ADGRE5: variants seen among roughly 807,000 people sequenced by gnomAD.
ADGRE5 encodes adhesion G protein-coupled receptor E5, also known as CD97 molecule.
Under a neutral mutation model 100.3 loss-of-function variants are expected in ADGRE5, and 72 were observed. The ratio of observed to expected loss-of-function variants is 0.72; its 90% confidence interval spans 0.59 to 0.87. The LOEUF (loss-of-function observed/expected upper bound fraction) is 0.87, where lower values mean the gene tolerates loss of function less well. Among genes scored for constraint, ADGRE5 ranks in the 40% least tolerant of loss-of-function variants. ADGRE5 has a pLI of 0.00. For missense variants in ADGRE5, 959 were observed against 1,094.7 expected (o/e 0.88, Z 1.75); for synonymous variants, 439 against 447.8 (o/e 0.98, Z 0.25).
Position 14,392,626 on chromosome 19 carries a change from G to T in ADGRE5, c.346+1547G>T, listed in dbSNP as rs141561119. Among the ~76,000 whole-genome samples, 34 of 152,258 alleles carry T rather than the reference G, an allele frequency of 2.2e-4. No homozygotes were observed. The East Asian group carries it at 5.0e-3, about 22-fold the overall frequency. Reference sequence around the variant, plus strand: ...ACCTACAAAAGTATTTAACAGGCTGGGCACAGTGGCTCACACTTGTAATGC... The same window carrying T: ...ACCTACAAAAGTATTTAACAGGCTGTGCACAGTGGCTCACACTTGTAATGC... On this transcript the variant is annotated intron_variant, in intron 4 of 19. Transcript: ENST00000242786.
intron 4 of ADGRE5, 133 bp from the exon 5 acceptor site, chr19:14,396,209 T>G: frequency 6.4e-7 from 1 of 1,551,872 alleles, no homozygotes; most frequent in Non-Finnish European, 8.8e-7. Context: ...ATAGGATGCC[T>G]CTGTGTGGAT....
At chr19:14,390,767 CT>C (rs1415779697) in intron 3 of ADGRE5, among the ~76,000 whole-genome samples, 156 bp from the exon 4 acceptor site, 1 of 152,200 alleles carries the variant, frequency 6.6e-6, no homozygotes, top group African/African-American at 2.4e-5. Context: ...TCAGGAATGG[CT>C]TGCTCCAGCT....
intron 1 of ADGRE5, among the ~76,000 whole-genome samples, chr19:14,385,383 T>TTC (rs1042505286): frequency 1.3e-5 from 2 of 151,836 alleles, no homozygotes; most frequent in African/African-American, 4.8e-5. Context: ...TTCTGACTCT[T>TTC]TCTCTCTCTC....
chr19:14,397,138 C>T lies in ADGRE5; in HGVS notation c.540C>T (p.Asn180=), dbSNP rs753447533. 6.8e-6 allele frequency: 11 copies of T among 1,614,036 alleles called. No homozygotes were observed. Among genetic ancestry groups the T allele is most frequent in the Middle Eastern group, 1.6e-4 (1 of 6,082 alleles). The change falls in exon 6 of 20, where the codon AAC becomes AAT. Residue 180 remains asparagine, a synonymous_variant. Transcript: ENST00000242786. ...PCHSSTHCLN[N]VGSYQCRCRP... ...ACAGCTCCACCCACTGCCTCAACAA[C>T]GTGGGCAGCTATCAGTGCCGCTGCC...
intron 1 of ADGRE5, among the ~76,000 whole-genome samples, chr19:14,382,327 A>G (rs778958674): frequency 3.3e-5 from 5 of 152,164 alleles, no homozygotes; most frequent in Non-Finnish European, 5.9e-5. Context: ...GTGAGAGACA[A>G]GAGCCCACCT....
In ADGRE5 at chr19:14,405,810, G is replaced by A. The variant is rs1976202544; in HGVS notation, c.1692G>A (p.Leu564=). Residue 564 remains leucine, a synonymous_variant, in exon 14 of 20, where the codon CTG becomes CTA. Transcript: ENST00000242786. The stretch of plus-strand genomic sequence containing the variant: ...CGCTGTCACTCTTCTGCCTGCTGCT[G>A]TGCATCCTCACTTTCCTGCTGGTGC... ...GLALSLFCLL[L]CILTFLLVRP... is the part of the protein sequence containing the mutation. 1.9e-6 allele frequency: 3 copies of A among 1,613,908 alleles called. No individual in the cohort carries two copies. Among genetic ancestry groups the A allele is most frequent in the African/African-American group, 1.3e-5 (1 of 75,074 alleles).
chr19:14,388,110 C>A (rs1273173243), intron 1 of ADGRE5, among the ~76,000 whole-genome samples: 1 of 151,904 alleles, frequency 6.6e-6, no homozygotes, highest in Admixed American at 6.6e-5. Context: ...CACCTGTGGT[C>A]CCAGCTACTT....
At chr19:14,390,773 C>T (rs1975572820) in intron 3 of ADGRE5, 151 bp from the exon 4 acceptor site, 1 of 894,010 alleles carries the variant, frequency 1.1e-6, no homozygotes, top group Non-Finnish European at 1.7e-6. Context: ...ATGGCTTGCT[C>T]CAGCTGCAGC....
In ADGRE5 at chr19:14,408,486, A is replaced by C; in HGVS notation, c.*365A>C. 2 of 496,816 alleles carry C rather than the reference A, an allele frequency of 4.0e-6. No homozygotes were observed. The highest frequency in any genetic ancestry group is 7.3e-6 in the Non-Finnish European group (2 of 274,212). The allele number at this position is 496,816 out of a possible 1,614,324, so 30.8% of individuals were successfully genotyped here. ...ACTTTTCCTCTCATGTCTTTGCTGCAGAACTGAAGAGACTAGGCGCTGGGG... is the reference window on the plus strand; with the variant it reads ...ACTTTTCCTCTCATGTCTTTGCTGCCGAACTGAAGAGACTAGGCGCTGGGG... On this transcript the variant is annotated 3_prime_UTR_variant, in exon 20 of 20. Coordinates refer to ENST00000242786, the MANE Select transcript of ADGRE5 (RefSeq NM_078481.4).
intron 6 of ADGRE5, 106 bp from the exon 7 acceptor site, chr19:14,397,552 T>C (rs1223907978): frequency 6.3e-7 from 1 of 1,594,648 alleles, no homozygotes; most frequent in African/African-American, 1.3e-5. Context: ...CGTCCACCAC[T>C]CCAAGGGGGG....
chr19:14,396,554 A>G, intron 5 of ADGRE5, 81 bp downstream of exon 5: 2 of 1,581,670 alleles, frequency 1.3e-6, no homozygotes, highest in Non-Finnish European at 1.7e-6. Context: ...GCAGCCGAGG[A>G]GGAGGGGGAA....
At chr19:14,384,923 T>C (rs973584255) in intron 1 of ADGRE5, among the ~76,000 whole-genome samples, 1 of 150,674 alleles carries the variant, frequency 6.6e-6, no homozygotes, top group African/African-American at 2.4e-5. Context: ...CTCCTCTCTG[T>C]CTCCGTCTCT....
chr19:14,386,768 C>G (rs1342606725), intron 1 of ADGRE5, among the ~76,000 whole-genome samples: 4 of 149,744 alleles, frequency 2.7e-5, no homozygotes, highest in Non-Finnish European at 5.9e-5. Context: ...AATCCCAGCA[C>G]TTTTGGAGGC....
chr19:14,398,206 CAG>C (rs1975859562), intron 9 of ADGRE5, 67 bp downstream of exon 9: 2 of 1,499,292 alleles, frequency 1.3e-6, no homozygotes, highest in Non-Finnish European at 1.9e-6. Context: ...TCCATGTGGC[CAG>C]AGAGAGTGCC....
Position 14,405,729 on chromosome 19 carries a change from C to T in ADGRE5, c.1630-19C>T. 6.3e-7 allele frequency: 1 copy of T among 1,593,054 alleles called. No homozygotes were observed. The highest frequency in any genetic ancestry group is 8.6e-7 in the Non-Finnish European group (1 of 1,166,220). On this transcript the variant is annotated intron_variant, in intron 13 of 19. Coordinates refer to ENST00000242786, the MANE Select transcript of ADGRE5 (RefSeq NM_078481.4). ...CCTCATGCCCTGAAGGAACCCTGAG[C>T]ACCCGGTGCCACTCCTAGGACTGGA...
At chr19:14,397,322 C>T in intron 6 of ADGRE5, 99 bp downstream of exon 6, 1 of 1,569,252 alleles carries the variant, frequency 6.4e-7, no homozygotes, top group Non-Finnish European at 8.7e-7. Context: ...GCTGGAGGCA[C>T]CTGGCTGTGC....
Position 14,395,937 on chromosome 19 carries a change from C to A in ADGRE5, c.347-405C>A, listed in dbSNP as rs150593511. Among the ~76,000 whole-genome samples the A allele has an allele frequency of 2.6e-3, 397 of 152,312 alleles. 2 individuals carry two copies. Among genetic ancestry groups the A allele is most frequent in the African/African-American group, 9.1e-3 (380 of 41,570 alleles). On this transcript the variant is annotated intron_variant, in intron 4 of 19. Transcript: ENST00000242786. ...GCCACCAGGATGCTGAGAATTTGGC[C>A]AGCGAGCGGCCGTTCTGTGGGAGTC...
chr19:14,389,318 GA>G (rs1302021350), intron 3 of ADGRE5, among the ~76,000 whole-genome samples: 3 of 348 alleles, frequency 8.6e-3, no homozygotes, highest in African/African-American at 0.022. Context: ...AGGGGAGGGG[GA>G]TGGGGGAGGG....
rs28548336 is a variant in ADGRE5, at chr19:14,401,636, T to G, written c.1076-17T>G. On this transcript the variant is annotated splice_polypyrimidine_tract_variant and intron_variant, in intron 10 of 19. Transcript: ENST00000242786. The surrounding 1 kb of genome is among the most constrained non-coding windows in gnomAD (Gnocchi z 4.1). ...GGTACCTGGGGTCCCTAATCACAACTGCCCCTCTCCCCTCAGAGCTGACCC... is the reference window on the plus strand; with the variant it reads ...GGTACCTGGGGTCCCTAATCACAACGGCCCCTCTCCCCTCAGAGCTGACCC... 1.3e-5 allele frequency: 21 copies of G among 1,602,242 alleles called. No homozygotes were observed. In the East Asian group the frequency reaches 4.2e-4, roughly 32 times the overall value.
Sources: allele counts gnomAD v4.1 joint callset (sites outside exome capture counted in the v4.1 genomes callset), GRCh38; gene constraint gnomAD v4.1.1; non-coding constraint Gnocchi (gnomAD v3.1); transcripts MANE v1.5; gene names NCBI Gene and HGNC (gene_info 2026-07-23, HGNC 2026-07-21).